The following GALNT7 variants were observed in gnomAD, a reference collection of about 807,000 sequenced individuals.
GALNT7 encodes the protein N-acetylgalactosaminyltransferase 7.
Under a neutral mutation model 82.1 loss-of-function variants are expected in GALNT7, and 60 were observed. The observed-to-expected ratio is 0.73, with a 90% confidence interval of 0.59 to 0.91. The LOEUF (loss-of-function observed/expected upper bound fraction) is 0.91, where lower values mean the gene tolerates loss of function less well. Ranked by LOEUF, GALNT7 falls within the 40% of genes least tolerant of loss-of-function variation. The probability of loss-of-function intolerance (pLI) is 0.00; values close to 1 mark genes in which losing one functional copy is unlikely to be tolerated. For synonymous variants in GALNT7, 243 were observed against 275.1 expected (o/e 0.88, Z 1.15); for missense variants, 660 against 804.2 (o/e 0.82, Z 2.17).
intron 1 of GALNT7, among the ~76,000 whole-genome samples, chr4:173,174,255 C>T (rs1040303010): frequency 4.6e-5 from 7 of 152,096 alleles, no homozygotes; most frequent in Admixed American, 2.0e-4. Context: ...CTTTTGCATA[C>T]ATCTACATTT....
At chr4:173,294,854 A>G (rs1736663003) in intron 3 of GALNT7, among the ~76,000 whole-genome samples, 1 of 152,088 alleles carries the variant, frequency 6.6e-6, no homozygotes, top group African/African-American at 2.4e-5. Flanking sequence ...AGAAAATGAG[A>G]TTTTTTTCTT....
chr4:173,238,155 T>C (rs945809921), intron 1 of GALNT7, among the ~76,000 whole-genome samples: 1 of 152,228 alleles, frequency 6.6e-6, no homozygotes, highest in Non-Finnish European at 1.5e-5. Context: ...ATGTTTAAAA[T>C]TTCTCACAGA....
intron 2 of GALNT7, among the ~76,000 whole-genome samples, chr4:173,286,466 T>C (rs1736326392): frequency 1.3e-5 from 2 of 152,232 alleles, no homozygotes; most frequent in African/African-American, 4.8e-5. Flanking sequence ...AAAGCTGCCA[T>C]TGTAACTGCT....
chr4:173,190,037 G>A (rs77162941), intron 1 of GALNT7, among the ~76,000 whole-genome samples: 259 of 151,916 alleles, frequency 1.7e-3, no homozygotes, highest in African/African-American at 6.0e-3. Flanking sequence ...ACTGATAATG[G>A]CAAAATAGAC....
chr4:173,210,337 G>A lies in GALNT7; in HGVS notation c.127-37643G>A, dbSNP rs890188969. On this transcript the variant is annotated intron_variant, in intron 1 of 11. Transcript: ENST00000265000. The stretch of plus-strand genomic sequence containing the variant: ...GAATTTCATCCGTCGGAAATTTACC[G>A]TCATTGACTCTTTCCTAAACATACT... Among the ~76,000 whole-genome samples, 4 of 152,202 alleles carry A rather than the reference G, an allele frequency of 2.6e-5. No homozygotes were observed. In the East Asian group the frequency reaches 7.7e-4, roughly 29 times the overall value.
intron 1 of GALNT7, among the ~76,000 whole-genome samples, chr4:173,218,462 A>G (rs1453396158): frequency 2.6e-5 from 2 of 77,148 alleles, no homozygotes; most frequent in Non-Finnish European, 4.0e-5. Context: ...TTCTCCCTCA[A>G]TATTTTGTTT....
intron 1 of GALNT7, among the ~76,000 whole-genome samples, chr4:173,228,825 G>A (rs1187503748): frequency 6.6e-6 from 1 of 152,140 alleles, no homozygotes; most frequent in African/African-American, 2.4e-5. Context: ...GGTCATCACT[G>A]CCTTTTAACT....
chr4:173,226,778 T>TAAGAAATG (rs1174227144), intron 1 of GALNT7, among the ~76,000 whole-genome samples: 26 of 152,340 alleles, frequency 1.7e-4, no homozygotes, highest in Admixed American at 4.6e-4. Context: ...GCTCTCAGCA[T>TAAGAAATG]AAGAAATGCC....
intron 1 of GALNT7, among the ~76,000 whole-genome samples, chr4:173,194,712 C>G (rs956095449): frequency 6.6e-6 from 1 of 152,090 alleles, no homozygotes; most frequent in African/African-American, 2.4e-5. Flanking sequence ...CATATGTATG[C>G]ATGTGCCATG....
chr4:173,227,508 T>G (rs893468939), intron 1 of GALNT7, among the ~76,000 whole-genome samples: 1 of 152,194 alleles, frequency 6.6e-6, no homozygotes, highest in African/African-American at 2.4e-5. Flanking sequence ...ATTTTTTTTA[T>G]TTTTAGTAGA....
At chr4:173,210,431 G>GA (rs1733242140) in intron 1 of GALNT7, among the ~76,000 whole-genome samples, 1 of 152,182 alleles carries the variant, frequency 6.6e-6, no homozygotes, top group Admixed American at 6.5e-5. Context: ...AGGGAGAACA[G>GA]AAAATCTCTT....
chr4:173,231,342 C>T (rs753554887), intron 1 of GALNT7, among the ~76,000 whole-genome samples: 2 of 152,100 alleles, frequency 1.3e-5, no homozygotes, highest in African/African-American at 2.4e-5. Context: ...ATATATTAAT[C>T]GCATGTTTTA....
rs10009352 is a variant in GALNT7, at chr4:173,319,057, G to A, written c.1836+498G>A. On this transcript the variant is annotated intron_variant, in intron 11 of 11. Transcript: ENST00000265000. Reference sequence around the variant, plus strand: ...TCATTGTTGTGTGCTAAATACAGTGGGATAAATGTAGCTAGTTGCTTACTT... The same window carrying A: ...TCATTGTTGTGTGCTAAATACAGTGAGATAAATGTAGCTAGTTGCTTACTT... 2.7e-3 allele frequency among the ~76,000 whole-genome samples: 416 copies of A among 152,040 alleles called. 3 individuals carry two copies. The highest frequency in any genetic ancestry group is 9.6e-3 in the African/African-American group (400 of 41,492).
At chr4:173,170,124 G>C (rs879654789) in intron 1 of GALNT7, among the ~76,000 whole-genome samples, 1 of 152,136 alleles carries the variant, frequency 6.6e-6, no homozygotes, top group Non-Finnish European at 1.5e-5. Context: ...CCCCGACCCT[G>C]ACCTGCTTCC....
chr4:173,276,809 A>ATGAAAATT (rs1735929201), intron 2 of GALNT7, among the ~76,000 whole-genome samples: 1 of 152,150 alleles, frequency 6.6e-6, no homozygotes, highest in Non-Finnish European at 1.5e-5. Context: ...ACTAGGTTGC[A>ATGAAAATT]TGAAAATTTT....
At position 173,214,440 on chromosome 4, in the gene GALNT7, C is replaced by T. The variant is rs553430222; in HGVS notation, c.127-33540C>T. Among the ~76,000 whole-genome samples the T allele has an allele frequency of 2.6e-5, 4 of 152,282 alleles. No homozygotes were observed. The East Asian group carries it at 7.7e-4, about 29-fold the overall frequency. ...GTCATGGTAGCTTCAGACCCCTTATCTCTAACTAGCCTGCCCGCTGGGACA... is the reference window on the plus strand; with the variant it reads ...GTCATGGTAGCTTCAGACCCCTTATTTCTAACTAGCCTGCCCGCTGGGACA... On this transcript the variant is annotated intron_variant, in intron 1 of 11. Transcript: ENST00000265000.
At chr4:173,270,752 G>A (rs1313795487) in intron 2 of GALNT7, among the ~76,000 whole-genome samples, 1 of 152,226 alleles carries the variant, frequency 6.6e-6, no homozygotes, top group African/African-American at 2.4e-5. Flanking sequence ...GTTGGCAACT[G>A]GCCCTTGTAA....
Position 173,189,405 on chromosome 4 carries a change from A to T in GALNT7, c.126+20444A>T, listed in dbSNP as rs116651722. Among the ~76,000 whole-genome samples, 968 of 152,342 alleles carry T rather than the reference A, an allele frequency of 6.4e-3. 14 individuals carry two copies. Among genetic ancestry groups the T allele is most frequent in the African/African-American group, 0.022 (916 of 41,584 alleles). ...AGTTATGAGTCAAATGGTTTTAAGTATAACCCATATTAGATTTCTATTCAT... is the reference window on the plus strand; with the variant it reads ...AGTTATGAGTCAAATGGTTTTAAGTTTAACCCATATTAGATTTCTATTCAT... On this transcript the variant is annotated intron_variant, in intron 1 of 11. Transcript: ENST00000265000.
chr4:173,200,083 A>T (rs998107787), intron 1 of GALNT7, among the ~76,000 whole-genome samples: 6 of 152,350 alleles, frequency 3.9e-5, no homozygotes, highest in Middle Eastern at 3.4e-3. Flanking sequence ...ACCATTTTAG[A>T]TAAATAAGAT....
Sources: gnomAD v4.1 joint callset for allele counts (sites outside exome capture counted in the v4.1 genomes callset) on GRCh38, gnomAD v4.1.1 for gene constraint, MANE v1.5 for transcripts, NCBI Gene and HGNC (gene_info 2026-07-23, HGNC 2026-07-21) for gene names.